UGT1A10: variants seen among roughly 807,000 people sequenced by gnomAD.
The protein encoded by UGT1A10 is UDP-glucuronosyltransferase 1A10.
In UGT1A10, 49 loss-of-function variants were observed where a neutral mutation model predicts 45.8. The ratio of observed to expected loss-of-function variants is 1.07; its 90% CI spans 0.85 to 1.36. UGT1A10 has a LOEUF of 1.36. UGT1A10 is among the 40% of genes most tolerant of loss of function. UGT1A10 has a pLI of 0.00. For missense variants in UGT1A10, 745 were observed against 668.6 expected (o/e 1.11, Z -1.26); for synonymous variants, 284 against 249.7 (o/e 1.14, Z -1.29).
intron 4 of UGT1A10, chr2:233,771,538 C>A (rs1369830347): frequency 1.3e-5 from 2 of 152,274 alleles, no homozygotes; most frequent in Non-Finnish European, 2.9e-5. Context: ...GGATTTGGCA[C>A]TTACAAATGG....
Position 233,694,008 on chromosome 2 carries a change from G to A in UGT1A10, c.855+56631G>A, listed in dbSNP as rs12478255. 6,635 of 1,456,404 alleles carry A rather than the reference G, an allele frequency of 4.6e-3. 175 individuals are homozygous for A. In the Admixed American group the frequency reaches 0.07, roughly 15 times the overall value. The allele number at this position is 1,456,404 out of a possible 1,614,324, so 90.2% of individuals were successfully genotyped here. On this transcript the variant is annotated intron_variant, in intron 1 of 4. Coordinates refer to ENST00000344644, the MANE Select transcript of UGT1A10 (RefSeq NM_019075.4). Reference sequence around the variant, plus strand: ...GAAGTGATACCCGGCTCGGAGCAGCGGGAACACATAGGAGACCTGAGGCTG... The same window carrying A: ...GAAGTGATACCCGGCTCGGAGCAGCAGGAACACATAGGAGACCTGAGGCTG...
chr2:233,672,102 T>C (rs762092554), intron 1 of UGT1A10: 10 of 1,614,022 alleles, frequency 6.2e-6, no homozygotes, highest in Non-Finnish European at 8.5e-6. Context: ...ATGAGGTGGT[T>C]GTAGTCATGC....
At chr2:233,768,519 GC>G (rs1699633874) in intron 4 of UGT1A10, 80 bp downstream of exon 4, 1 of 1,531,284 alleles carries the variant, frequency 6.5e-7, no homozygotes, top group East Asian at 2.5e-5. Flanking sequence ...CATTTACGTA[GC>G]ATTTAATAGC....
At chr2:233,757,535 A>AATATATATACATATATATATATAT (rs376887521) in intron 1 of UGT1A10, among the ~76,000 whole-genome samples, 7 of 88,250 alleles carry the variant, frequency 7.9e-5, no homozygotes, top group Non-Finnish European at 1.1e-4. Flanking sequence ...GCCTGTAAGG[A>AATATATATACATATATATATATAT]ATATATATAT....
intron 1 of UGT1A10, among the ~76,000 whole-genome samples, chr2:233,737,276 AC>A (rs2078858274): frequency 1.3e-5 from 2 of 152,320 alleles, no homozygotes; most frequent in South Asian, 2.1e-4. Flanking sequence ...GACACCCCTC[AC>A]CCAGCCAGGC....
chr2:233,743,985 A>G (rs1333314866), intron 1 of UGT1A10: 3 of 1,283,108 alleles, frequency 2.3e-6, no homozygotes, highest in Non-Finnish European at 3.1e-6. Context: ...ACCCAGGCGC[A>G]GGCCCGAGTG....
At chr2:233,655,310 C>T (rs1192586022) in intron 1 of UGT1A10, among the ~76,000 whole-genome samples, 1 of 152,116 alleles carries the variant, frequency 6.6e-6, no homozygotes, top group Non-Finnish European at 1.5e-5. Context: ...AAGTGACAAC[C>T]CATGCAGGTT....
At position 233,693,043 on chromosome 2, in the gene UGT1A10, A is replaced by G. The variant is rs774480903; in HGVS notation, c.855+55666A>G. The G allele has an allele frequency of 2.2e-5, 36 of 1,614,048 alleles. No homozygotes were observed. In the Middle Eastern group the frequency reaches 4.9e-4, roughly 22 times the overall value. ...TTCGCTCATTTCAGAGAATTTCTGC[A>G]GGGGTTTTCTTCTTAGCACTTTGGG... On this transcript the variant is annotated intron_variant, in intron 1 of 4. Coordinates refer to ENST00000344644, the MANE Select transcript of UGT1A10 (RefSeq NM_019075.4).
chr2:233,713,398 C>T (rs1193578945), intron 1 of UGT1A10: 1 of 1,614,084 alleles, frequency 6.2e-7, no homozygotes, highest in South Asian at 1.1e-5. Context: ...CATAATGAGG[C>T]CCTGATCAGG....
intron 1 of UGT1A10, among the ~76,000 whole-genome samples, chr2:233,724,290 G>A: frequency 7.3e-6 from 1 of 136,758 alleles, no homozygotes. Flanking sequence ...GCGGGGGGCT[G>A]ACCCCCCCAC....
intron 1 of UGT1A10, among the ~76,000 whole-genome samples, chr2:233,676,176 T>C (rs752242448): frequency 1.3e-5 from 2 of 152,134 alleles, no homozygotes; most frequent in African/African-American, 4.8e-5. Context: ...GTGGAAATCA[T>C]CCAGCCACCT....
chr2:233,662,429 G>A (rs1244832889), intron 1 of UGT1A10, among the ~76,000 whole-genome samples: 1 of 152,080 alleles, frequency 6.6e-6, no homozygotes, highest in Non-Finnish European at 1.5e-5. Context: ...CAACACCGTT[G>A]AAACTCTTAA....
rs145239529 is a variant in UGT1A10, at chr2:233,769,464, CGT to C, written c.1295+1039_1295+1040del. ...GGGTGCACACGTGTGCATTCATATGCGTGTGTGTGTGTGTGCGTGTGTTTATG... is the reference window on the plus strand; with the variant it reads ...GGGTGCACACGTGTGCATTCATATGCGTGTGTGTGTGTGCGTGTGTTTATG... On this transcript the variant is annotated intron_variant, in intron 4 of 4. Transcript: ENST00000344644. The surrounding 1 kb of genome is among the most constrained non-coding windows in gnomAD (Gnocchi z 4.4). 2,957 of 1,414,482 alleles carry C rather than the reference CGT, an allele frequency of 2.1e-3. No individual in the cohort carries two copies. Among genetic ancestry groups the C allele is most frequent in the Admixed American group, 4.4e-3 (235 of 53,304 alleles). The allele number at this position is 1,414,482 out of a possible 1,614,324, so 87.6% of individuals were successfully genotyped here. A position where few individuals can be genotyped will look rare whatever the true frequency, so the allele number is the denominator to read the frequency against.
intron 1 of UGT1A10, among the ~76,000 whole-genome samples, chr2:233,722,482 A>G (rs1187534654): frequency 6.6e-6 from 1 of 151,926 alleles, no homozygotes; most frequent in Non-Finnish European, 1.5e-5. Context: ...TATTCTTTTC[A>G]CTGTTTCATT....
rs757687307 is a variant in UGT1A10, at chr2:233,767,853, T to A, written c.992T>A (p.Leu331Gln). The change falls in exon 3 of 5, where the codon CTG (leucine) becomes CAG (glutamine). Residue 331 changes from leucine (L) to glutamine (Q), a missense_variant. Physicochemically the swap from Leu to Gln is moderately radical, Grantham distance 113 (BLOSUM62 -2). Transcript: ENST00000344644. ...DALGKIPQTV[L>Q]WRYTGTRPSN... ...TGCTCTTTTTGCCCCTCCCAGGTCCTGTGGCGGTACACTGGAACCCGACCA... is the reference window on the plus strand; with the variant it reads ...TGCTCTTTTTGCCCCTCCCAGGTCCAGTGGCGGTACACTGGAACCCGACCA... 7.4e-6 allele frequency: 12 copies of A among 1,614,210 alleles called. No homozygotes were observed. Among genetic ancestry groups the A allele is most frequent in the African/African-American group, 1.3e-5 (1 of 75,056 alleles).
chr2:233,671,194 C>A (rs2074181561), intron 1 of UGT1A10, among the ~76,000 whole-genome samples: 1 of 152,138 alleles, frequency 6.6e-6, no homozygotes, highest in Non-Finnish European at 1.5e-5. Flanking sequence ...GCAAGTTGAG[C>A]GGTCACTGAG....
intron 1 of UGT1A10, chr2:233,739,100 G>A (rs1263190228): frequency 1.3e-5 from 2 of 152,274 alleles, no homozygotes; most frequent in African/African-American, 4.8e-5. Flanking sequence ...TCGATGTGGT[G>A]TTGGGCCTGC....
intron 1 of UGT1A10, among the ~76,000 whole-genome samples, chr2:233,739,789 G>C (rs1409404802): frequency 6.6e-6 from 1 of 152,118 alleles, no homozygotes; most frequent in African/African-American, 2.4e-5. Context: ...AGACTTTGGA[G>C]GACAGTTGGG....
intron 1 of UGT1A10, chr2:233,719,544 G>C (rs1282092196): frequency 1.2e-6 from 2 of 1,613,824 alleles, no homozygotes; most frequent in Non-Finnish European, 1.7e-6. Context: ...TTTTCAGAGA[G>C]AGGTGTCAGT....
Sources: allele counts gnomAD v4.1 joint callset (sites outside exome capture counted in the v4.1 genomes callset), GRCh38; gene constraint gnomAD v4.1.1; non-coding constraint Gnocchi (gnomAD v3.1); transcripts MANE v1.5; gene names NCBI Gene and HGNC (gene_info 2026-07-23, HGNC 2026-07-21).